UACA: variants seen among roughly 807,000 people sequenced by gnomAD.
UACA encodes nuclear membrane binding protein.
A neutral mutation model predicts 160.5 loss-of-function variants in UACA; 112 were observed. That is an observed-to-expected ratio of 0.70 (90% CI 0.60 to 0.82). UACA has a LOEUF of 0.82. Among genes scored for constraint, UACA ranks in the 40% least tolerant of loss-of-function variants. UACA has a pLI of 0.00. For synonymous variants in UACA, 557 were observed against 568.4 expected (o/e 0.98, Z 0.29); for missense variants, 1,574 against 1,614.6 (o/e 0.97, Z 0.43).
At chr15:70,693,968 T>A (rs1321734305) in intron 3 of UACA, among the ~76,000 whole-genome samples, 1 of 152,154 alleles carries the variant, frequency 6.6e-6, no homozygotes, top group East Asian at 1.9e-4. Context: ...TAAGTAAAGA[T>A]TTACCTCACT....
chr15:70,703,053 A>G lies in UACA; in HGVS notation c.79-3393T>C, dbSNP rs577378854. 1.3e-4 allele frequency: 169 copies of G among 1,266,110 alleles called. No homozygotes were observed. The South Asian group carries it at 2.0e-3, about 15-fold the overall frequency. The allele number at this position is 1,266,110 out of a possible 1,614,324, so 78.4% of individuals were successfully genotyped here. A position where few individuals can be genotyped will look rare whatever the true frequency, so the allele number is the denominator to read the frequency against. On this transcript the variant is annotated intron_variant, in intron 1 of 18. Transcript: ENST00000322954. ...TACACATTAGACAACGAGCTAGACT[A>G]TTAAAAAAATCTCCATTTGGGGACA...
chr15:70,655,861 T>C lies in UACA; in HGVS notation c.*1195A>G, dbSNP rs1344342739. The C allele has an allele frequency of 2.6e-5, 4 of 152,218 alleles. No homozygotes were observed. Among genetic ancestry groups the C allele is most frequent in the African/African-American group, 9.6e-5 (4 of 41,458 alleles). 9.4% of individuals were successfully genotyped at this position (152,218 alleles called of 1,614,324 possible). On this transcript the variant is annotated 3_prime_UTR_variant, in exon 19 of 19. Coordinates refer to ENST00000322954, the MANE Select transcript of UACA (RefSeq NM_018003.4). ...ATTTGAGAAAACCTAACTGTAATGA[T>C]CCATTTATTCAGTTATTTGTTAATA...
At chr15:70,769,728 C>T in the UACA span, among the ~76,000 whole-genome samples, 3 of 151,736 alleles carry the variant, frequency 2.0e-5, no homozygotes, top group East Asian at 1.9e-4. Flanking sequence ...AGGCCAGGCA[C>T]GGTCACATCT....
rs559274117 is a variant in UACA at position 70,667,252 on chromosome 15, T to C, written c.3432A>G (p.Lys1144=). ...GCAGTTTGGTCACTGTCTGCTGCTC[T>C]TTCTCGTAACACCTTTGCATACTCT... The part of the protein sequence containing the change: ...ELKSMQRCYE[K]EQQTVTKLHQ... The change falls in exon 16 of 19, where the codon AAA becomes AAG. Residue 1144 remains lysine (K), a synonymous_variant. Coordinates refer to ENST00000322954, the MANE Select transcript of UACA (RefSeq NM_018003.4). 1 of 1,613,736 alleles carries C rather than the reference T, an allele frequency of 6.2e-7. No homozygotes were observed. Among genetic ancestry groups the C allele is most frequent in the African/African-American group, 1.3e-5 (1 of 75,024 alleles).
chr15:70,673,182 G>A (rs1419249732), intron 13 of UACA, among the ~76,000 whole-genome samples: 1 of 152,142 alleles, frequency 6.6e-6, no homozygotes, highest in East Asian at 1.9e-4. Context: ...GCTGAGGTGG[G>A]AGGATCACCT....
chr15:70,751,576 C>T (rs566342289), intron 1 of UACA, among the ~76,000 whole-genome samples: 2 of 152,244 alleles, frequency 1.3e-5, no homozygotes, highest in Admixed American at 6.5e-5. Context: ...AACGATTAAT[C>T]CTATTTTCCA....
chr15:70,659,395 G>GTTTTTTGTTTTTTT (rs1896607591), intron 18 of UACA, among the ~76,000 whole-genome samples: 5 of 18,818 alleles, frequency 2.7e-4, no homozygotes, highest in Non-Finnish European at 3.8e-4. Flanking sequence ...TTTTTTGTTT[G>GTTTTTTGTTTTTTT]TTTTTTTTTT....
chr15:70,658,326 T>C (rs538123386), intron 18 of UACA, among the ~76,000 whole-genome samples: 4 of 152,320 alleles, frequency 2.6e-5, no homozygotes, highest in African/African-American at 4.8e-5. Flanking sequence ...CCAATCTTAA[T>C]GGAAAGATTA....
chr15:70,768,666 C>G, the UACA span, among the ~76,000 whole-genome samples: 4 of 152,178 alleles, frequency 2.6e-5, no homozygotes, highest in Non-Finnish European at 5.9e-5. Flanking sequence ...GTTCTGGGAT[C>G]AGTAACCATC....
the UACA span, among the ~76,000 whole-genome samples, chr15:70,775,157 A>G: frequency 1.3e-5 from 2 of 152,244 alleles, no homozygotes; most frequent in Admixed American, 6.5e-5. Flanking sequence ...GGTCTATTGA[A>G]GAAGAGACTC....
At chr15:70,712,064 A>ATATATATATATATATATCTATC (rs909386790) in intron 1 of UACA, among the ~76,000 whole-genome samples, 2 of 145,464 alleles carry the variant, frequency 1.4e-5, no homozygotes, top group African/African-American at 5.6e-5. Context: ...ATATATATAT[A>ATATATATATATATATATCTATC]TATCTCCATA....
At chr15:70,777,516 G>C in the UACA span, among the ~76,000 whole-genome samples, 4 of 152,158 alleles carry the variant, frequency 2.6e-5, no homozygotes, top group Admixed American at 2.0e-4. Context: ...CTATAAAAGA[G>C]AAGGAAAAGT....
intron 13 of UACA, among the ~76,000 whole-genome samples, chr15:70,672,562 A>G (rs1054468617): frequency 6.6e-6 from 1 of 152,242 alleles, no homozygotes; most frequent in East Asian, 1.9e-4. Context: ...AGGAAATAAT[A>G]GAGAACTCTA....
chr15:70,707,963 T>C (rs939572276), intron 1 of UACA, among the ~76,000 whole-genome samples: 1 of 152,198 alleles, frequency 6.6e-6, no homozygotes, highest in East Asian at 1.9e-4. Context: ...CCTAGAGATA[T>C]CTGCATATCC....
Position 70,719,945 on chromosome 15 carries a change from AGATACAGGGT to A in UACA, c.79-20295_79-20286del, listed in dbSNP as rs534602245. 2.7e-4 allele frequency among the ~76,000 whole-genome samples: 41 copies of A among 152,216 alleles called. No homozygotes were observed. The South Asian group carries it at 7.3e-3, about 27-fold the overall frequency. ...CCCTTATTTATTTATAAATTGTTTGAGATACAGGGTGATATGGTTTGGATCAGCGTCCCCA... is the reference window on the plus strand; with the variant it reads ...CCCTTATTTATTTATAAATTGTTTGAGATATGGTTTGGATCAGCGTCCCCA... On this transcript the variant is annotated intron_variant, in intron 1 of 18. Transcript: ENST00000322954.
intron 1 of UACA, chr15:70,703,225 T>A (rs1219250745): frequency 7.8e-7 from 1 of 1,288,670 alleles, no homozygotes; most frequent in Non-Finnish European, 1.0e-6. Flanking sequence ...CACAATAGCA[T>A]GAGAATAATT....
chr15:70,760,581 G>A (rs749085326), intron 1 of UACA, among the ~76,000 whole-genome samples: 3 of 152,120 alleles, frequency 2.0e-5, no homozygotes, highest in South Asian at 2.1e-4. Flanking sequence ...GGCCGAGGCG[G>A]GTGGATCACA....
chr15:70,702,233 A>G, intron 1 of UACA: 1 of 1,079,468 alleles, frequency 9.3e-7, no homozygotes, highest in Non-Finnish European at 1.1e-6. Context: ...CCTTTGAGGG[A>G]CCCCACTGGA....
intron 1 of UACA, among the ~76,000 whole-genome samples, chr15:70,705,791 C>T (rs1898507986): frequency 6.6e-6 from 1 of 152,022 alleles, no homozygotes; most frequent in Non-Finnish European, 1.5e-5. Flanking sequence ...AGTCACAGAA[C>T]TTAAGTACCC....
Sources: allele counts gnomAD v4.1 joint callset (sites outside exome capture counted in the v4.1 genomes callset), GRCh38; gene constraint gnomAD v4.1.1; transcripts MANE v1.5; gene names NCBI Gene and HGNC (gene_info 2026-07-23, HGNC 2026-07-21).